Variants in STUM observed in about 807,000 individuals in gnomAD.
The protein encoded by STUM is stum, mechanosensory transduction mediator homolog, also known as protein stum homolog.
A neutral mutation model predicts 15.3 loss-of-function variants in STUM; 8 were observed. That is an observed-to-expected ratio of 0.52 (90% CI 0.31 to 0.94). STUM has a LOEUF of 0.94. Ranked by LOEUF, STUM falls within the 40% of genes least tolerant of loss-of-function variation. The pLI is 0.05. For synonymous variants in STUM, 78 were observed against 88.7 expected (o/e 0.88, Z 0.68); for missense variants, 142 against 204.9 (o/e 0.69, Z 1.87).
chr1:226,591,588 G>A (rs1053099230), intron 1 of STUM, among the ~76,000 whole-genome samples: 8 of 152,108 alleles, frequency 5.3e-5, no homozygotes, highest in African/African-American at 1.4e-4. Flanking sequence ...CCAAGAACAG[G>A]CAGGTACTCA....
At chr1:226,564,505 T>C (rs1667589953) in intron 1 of STUM, among the ~76,000 whole-genome samples, 1 of 152,180 alleles carries the variant, frequency 6.6e-6, no homozygotes, top group African/African-American at 2.4e-5. Context: ...CTGAAGACAG[T>C]CAGCAATGGC....
rs775601645 is a variant in STUM, at chr1:226,596,800, A to T, written c.203-2A>T. 1 of 1,608,786 alleles carries T rather than the reference A, an allele frequency of 6.2e-7. No individual in the cohort carries two copies. On this transcript the variant is annotated splice_acceptor_variant, in intron 1 of 3. Coordinates refer to ENST00000366788, the MANE Select transcript of STUM (RefSeq NM_001003665.4). LOFTEE classifies it high-confidence loss of function. ...AAGGCTGTCCCCTCTGGCCTCTCAC[A>T]GGGACATTCGTCTCGGCCTTCACTG... is the stretch of plus-strand genomic sequence containing the variant.
At chr1:226,576,698 C>T (rs371855920) in intron 1 of STUM, among the ~76,000 whole-genome samples, 9 of 152,164 alleles carry the variant, frequency 5.9e-5, no homozygotes, top group African/African-American at 1.7e-4. Context: ...TCTTCCCAAA[C>T]GGAAACTCTG....
At chr1:226,558,944 A>G (rs774317709) in intron 1 of STUM, among the ~76,000 whole-genome samples, 54 of 152,192 alleles carry the variant, frequency 3.5e-4, no homozygotes, top group Non-Finnish European at 5.1e-4. Context: ...TCATTGGCCC[A>G]GGCCCAGCAC....
At chr1:226,562,630 G>A (rs77268443) in intron 1 of STUM, among the ~76,000 whole-genome samples, 1,764 of 152,272 alleles carry the variant, frequency 0.012, 34 homozygotes, top group African/African-American at 0.041. Context: ...TTCATAAACT[G>A]GATCTGCTCA....
At chr1:226,566,654 C>T (rs1151812) in intron 1 of STUM, among the ~76,000 whole-genome samples, 2,382 of 152,230 alleles carry the variant, frequency 0.016, 54 homozygotes, top group South Asian at 0.1. Context: ...AGAAAAAAAT[C>T]AAACTTTGCT....
Position 226,567,974 on chromosome 1 carries a change from T to C in STUM, c.202+18868T>C, listed in dbSNP as rs1667649996. Among the ~76,000 whole-genome samples, 1 of 152,212 alleles carries C rather than the reference T, an allele frequency of 6.6e-6. No individual in the cohort carries two copies. The highest frequency in any genetic ancestry group is 1.5e-5 in the Non-Finnish European group (1 of 68,036). On this transcript the variant is annotated intron_variant, in intron 1 of 3. Transcript: ENST00000366788. The surrounding 1 kb of genome is among the most constrained non-coding windows in gnomAD (Gnocchi z 4.5). ...TGTCTGGCTGAGCACTGATCTCCAT[T>C]CCTTGGAAGCCAAACCTGAGACACC...
intron 1 of STUM, among the ~76,000 whole-genome samples, chr1:226,590,609 T>C (rs1231988654): frequency 6.6e-6 from 1 of 152,166 alleles, no homozygotes; most frequent in Non-Finnish European, 1.5e-5. Context: ...CTACTTGAAA[T>C]TGACACCTCT....
rs1039528953 is a variant in STUM, at chr1:226,606,528, G to A, written c.*4488G>A. 2.0e-5 allele frequency: 3 copies of A among 152,196 alleles called. No homozygotes were observed. The highest frequency in any genetic ancestry group is 7.2e-5 in the African/African-American group (3 of 41,436). The allele number at this position is 152,196 out of a possible 1,614,324, so 9.4% of individuals were successfully genotyped here. A position where few individuals can be genotyped will look rare whatever the true frequency, so the allele number is the denominator to read the frequency against. On this transcript the variant is annotated 3_prime_UTR_variant, in exon 4 of 4. Coordinates refer to ENST00000366788, the MANE Select transcript of STUM (RefSeq NM_001003665.4). ...TGCTTGGGGGCGTGTCATTTAAATG[G>A]AAGTTCTCCAATAGTGGCTGAAGGC...
intron 1 of STUM, among the ~76,000 whole-genome samples, chr1:226,592,873 C>A (rs563167241): frequency 6.6e-6 from 1 of 152,330 alleles, no homozygotes; most frequent in Admixed American, 6.5e-5. Flanking sequence ...GTTCATCTTT[C>A]CCATCTCAGA....
chr1:226,567,586 C>T lies in STUM; in HGVS notation c.202+18480C>T, dbSNP rs1017700872. The stretch of plus-strand genomic sequence containing the variant: ...TCACAAACAGGGGCTTGCCAGTAAA[C>T]TTTATTTCCCAGAGAATGAGCTATA... On this transcript the variant is annotated intron_variant, in intron 1 of 3. Coordinates refer to ENST00000366788, the MANE Select transcript of STUM (RefSeq NM_001003665.4). This position sits in a 1 kb window ranked among gnomAD's most constrained non-coding sequence, Gnocchi z 4.5. Among the ~76,000 whole-genome samples the T allele has an allele frequency of 4.5e-4, 68 of 152,132 alleles. No homozygotes were observed. Among genetic ancestry groups the T allele is most frequent in the Non-Finnish European group, 8.8e-5 (6 of 68,022 alleles).
intron 2 of STUM, 108 bp downstream of exon 2, chr1:226,597,089 C>T (rs1210800917): frequency 1.1e-5 from 12 of 1,098,680 alleles, no homozygotes; most frequent in Admixed American, 3.5e-5. Flanking sequence ...CCGCTAAGCA[C>T]GGGCTCTGGA....
At chr1:226,601,274 A>G (rs1049071095) in intron 3 of STUM, among the ~76,000 whole-genome samples, 1 of 152,114 alleles carries the variant, frequency 6.6e-6, no homozygotes, top group Non-Finnish European at 1.5e-5. Flanking sequence ...CTACAGGCAC[A>G]TGCCTCCACG....
intron 1 of STUM, among the ~76,000 whole-genome samples, chr1:226,579,336 C>T (rs2102700458): frequency 6.6e-6 from 1 of 152,346 alleles, no homozygotes; most frequent in East Asian, 1.9e-4. Flanking sequence ...GCTCCCAACA[C>T]ATGAGTGCAG....
chr1:226,566,183 C>A (rs1667622623), intron 1 of STUM, among the ~76,000 whole-genome samples: 1 of 152,172 alleles, frequency 6.6e-6, no homozygotes, highest in South Asian at 2.1e-4. Context: ...AATGTCAAAG[C>A]CCCCAATGAT....
At position 226,591,340 on chromosome 1, in the gene STUM, T is replaced by G. The variant is rs191409663; in HGVS notation, c.203-5462T>G. On this transcript the variant is annotated intron_variant, in intron 1 of 3. Transcript: ENST00000366788. ...ATAGAAGTCAGTATGTGTATAAGGT[T>G]ATATTTTTACATGGCTTAGAGTTAT... is the stretch of plus-strand genomic sequence containing the variant. 2.4e-4 allele frequency among the ~76,000 whole-genome samples: 36 copies of G among 152,322 alleles called. 1 individual carries two copies. Among genetic ancestry groups the G allele is most frequent in the African/African-American group, 8.7e-4 (36 of 41,572 alleles).
At chr1:226,581,903 A>G (rs1667924346) in intron 1 of STUM, among the ~76,000 whole-genome samples, 1 of 152,134 alleles carries the variant, frequency 6.6e-6, no homozygotes, top group Non-Finnish European at 1.5e-5. Flanking sequence ...TCCACTGTGG[A>G]GTGTTGTAAG....
At chr1:226,586,186 T>A (rs111938281) in intron 1 of STUM, among the ~76,000 whole-genome samples, 7 of 152,226 alleles carry the variant, frequency 4.6e-5, no homozygotes, top group African/African-American at 1.4e-4. Flanking sequence ...GGGTTCAGGG[T>A]GCACTGTTCT....
chr1:226,604,117 T>TCATC lies in STUM; in HGVS notation c.*2077_*2078insCATC, dbSNP rs1668317194. On this transcript the variant is annotated 3_prime_UTR_variant, in exon 4 of 4. Transcript: ENST00000366788. The surrounding 1 kb of genome is among the most constrained non-coding windows in gnomAD (Gnocchi z 4.7). ...CAGAGTTTGCCCGACACCCCCTGAG[T>TCATC]GATGACAGGTCTCAGGAGGGGGCCG... 6.6e-6 allele frequency: 1 copy of TCATC among 151,852 alleles called. No homozygotes were observed. The highest frequency in any genetic ancestry group is 2.1e-4 in the South Asian group (1 of 4,812). The allele number at this position is 151,852 out of a possible 1,614,324, so 9.4% of individuals were successfully genotyped here.
Sources: gnomAD v4.1 joint callset for allele counts (sites outside exome capture counted in the v4.1 genomes callset) on GRCh38, gnomAD v4.1.1 for gene constraint, Gnocchi (gnomAD v3.1) non-coding constraint, MANE v1.5 for transcripts, NCBI Gene and HGNC (gene_info 2026-07-23, HGNC 2026-07-21) for gene names.